UBN2: variants seen among roughly 807,000 people sequenced by gnomAD.
The protein encoded by UBN2 is ubinuclein-2.
Under a neutral mutation model 120.2 loss-of-function variants are expected in UBN2, and 35 were observed. That is an observed-to-expected ratio of 0.29 (90% CI 0.22 to 0.39). UBN2 has a LOEUF of 0.39. UBN2 is among the 10% of genes least tolerant of loss of function. The pLI is 1.00. For synonymous variants in UBN2, 661 were observed against 648.7 expected (o/e 1.02, Z -0.29); for missense variants, 1,693 against 1,663.2 (o/e 1.02, Z -0.31).
At chr7:139,247,137 TGA>T (rs1439384217) in intron 2 of UBN2, among the ~76,000 whole-genome samples, 1 of 151,166 alleles carries the variant, frequency 6.6e-6, no homozygotes, top group Non-Finnish European at 1.5e-5. Flanking sequence ...CCTGATTCGC[TGA>T]GAGAGAGCTT....
chr7:139,298,203 G>GAT lies in UBN2; in HGVS notation c.*368_*369dup, dbSNP rs1798163726. 1 of 215,990 alleles carries GAT rather than the reference G, an allele frequency of 4.6e-6. No homozygotes were observed. Among genetic ancestry groups the GAT allele is most frequent in the East Asian group, 1.1e-4 (1 of 9,168 alleles). 13.4% of individuals were successfully genotyped at this position (215,990 alleles called of 1,614,324 possible). ...TAAACTCCATCCATCCTGGGGGTTG[G>GAT]ATCTGAACACTTACAGACATAATTG... On this transcript the variant is annotated 3_prime_UTR_variant, in exon 18 of 18. Coordinates refer to ENST00000473989, the MANE Select transcript of UBN2 (RefSeq NM_173569.4).
At chr7:139,277,593 T>C (rs2131021880) in intron 12 of UBN2, 1 of 152,152 alleles carries the variant, frequency 6.6e-6, no homozygotes, top group East Asian at 1.9e-4. Flanking sequence ...ATTGAGTTGG[T>C]TGTGGTTTTT....
chr7:139,276,053 C>G (rs1797433607), intron 11 of UBN2, 44 bp from the exon 12 acceptor site: 1 of 1,458,688 alleles, frequency 6.9e-7, no homozygotes, highest in East Asian at 2.3e-5. Context: ...ATGTTACTAT[C>G]TGCTATAAAG....
Position 139,274,094 on chromosome 7 carries a change from G to A in UBN2, c.1973+20G>A. The A allele has an allele frequency of 6.4e-7, 1 of 1,567,170 alleles. No homozygotes were observed. Among genetic ancestry groups the A allele is most frequent in the Non-Finnish European group, 8.6e-7 (1 of 1,164,780 alleles). ...GGCAAGGTAAGAAATGTGACTTACT[G>A]GATTTTATTTTATTTTATTATTATT... On this transcript the variant is annotated intron_variant, in intron 11 of 17. Coordinates refer to ENST00000473989, the MANE Select transcript of UBN2 (RefSeq NM_173569.4).
At chr7:139,319,663 A>G in the UBN2 span, among the ~76,000 whole-genome samples, 31 of 152,242 alleles carry the variant, frequency 2.0e-4, no homozygotes, top group Non-Finnish European at 3.2e-4. Context: ...AGGGCAAACA[A>G]CACGTTCCTG....
At chr7:139,269,566 C>T (rs1371690712) in intron 8 of UBN2, 43 bp downstream of exon 8, 1 of 1,601,100 alleles carries the variant, frequency 6.2e-7, no homozygotes, top group Admixed American at 1.7e-5. Flanking sequence ...GGTTTCATAA[C>T]CTGTAAAGAT....
At chr7:139,265,470 T>A (rs1031560407) in intron 6 of UBN2, among the ~76,000 whole-genome samples, 1 of 151,962 alleles carries the variant, frequency 6.6e-6, no homozygotes, top group Non-Finnish European at 1.5e-5. Context: ...AGAGTAAGAC[T>A]CCGTCTCAAA....
chr7:139,294,198 GTTTA>G (rs1181264804), intron 17 of UBN2, among the ~76,000 whole-genome samples: 1 of 152,176 alleles, frequency 6.6e-6, no homozygotes, highest in Non-Finnish European at 1.5e-5. Flanking sequence ...TTTTGAAGGT[GTTTA>G]TTATGTGGAA....
In UBN2 at chr7:139,284,093, CCT is replaced by C; in HGVS notation, c.3193_3194del (p.Leu1065ValfsTer3). 1 of 1,614,156 alleles carries C rather than the reference CCT, an allele frequency of 6.2e-7. No individual in the cohort carries two copies. Reference sequence around the variant, plus strand: ...CCTAAGCCTTCTGCCTCACCCAAGCCCTCTCTGTCAGCTAAGCCTTCAGTATC... The same window carrying C: ...CCTAAGCCTTCTGCCTCACCCAAGCCCTCTGTCAGCTAAGCCTTCAGTATC... On this transcript the variant is annotated frameshift_variant, in exon 15 of 18. Coordinates refer to ENST00000473989, the MANE Select transcript of UBN2 (RefSeq NM_173569.4). LOFTEE classifies it high-confidence loss of function.
At chr7:139,271,061 C>T (rs185966847) in intron 8 of UBN2, among the ~76,000 whole-genome samples, 1 of 152,048 alleles carries the variant, frequency 6.6e-6, no homozygotes, top group East Asian at 1.9e-4. Context: ...GGATTACAGG[C>T]GTGAGCCACT....
chr7:139,285,186 A>G (rs1361852413), intron 15 of UBN2, among the ~76,000 whole-genome samples: 1 of 152,130 alleles, frequency 6.6e-6, no homozygotes, highest in East Asian at 1.9e-4. Flanking sequence ...CCTCTCAATT[A>G]GCTGAGTGCC....
intron 8 of UBN2, among the ~76,000 whole-genome samples, chr7:139,271,616 A>G (rs1797277726): frequency 1.3e-5 from 2 of 152,180 alleles, no homozygotes; most frequent in African/African-American, 4.8e-5. Context: ...TCAGTAAAGA[A>G]AAGTCTTATA....
chr7:139,293,441 T>C lies in UBN2; in HGVS notation c.3879T>C (p.Ala1293=). The C allele has an allele frequency of 1.2e-6, 2 of 1,614,170 alleles. No individual in the cohort carries two copies. The highest frequency in any genetic ancestry group is 1.7e-6 in the Non-Finnish European group (2 of 1,180,018). The change falls in exon 16 of 18, where the codon GCT becomes GCC. Residue 1293 remains alanine, a synonymous_variant. Transcript: ENST00000473989. ...CCACCTCGGGATCTACCTCAGCCGC[T>C]TTCCACCATAGCCTAACTCAGAGTA... ...VTTTSGSTSA[A]FHHSLTQNLL...
chr7:139,309,154 C>T (rs1182678960), downstream of UBN2, among the ~76,000 whole-genome samples: 3 of 152,134 alleles, frequency 2.0e-5, no homozygotes, highest in African/African-American at 7.2e-5. Flanking sequence ...TATAAGTGTA[C>T]GTGTGATCTG....
At chr7:139,321,872 C>T in the UBN2 span, among the ~76,000 whole-genome samples, 2 of 152,310 alleles carry the variant, frequency 1.3e-5, no homozygotes, top group East Asian at 1.9e-4. Context: ...AGAAATGACA[C>T]TGACCGTGAC....
At chr7:139,256,226 A>C (rs1437636764) in intron 3 of UBN2, among the ~76,000 whole-genome samples, 1 of 152,238 alleles carries the variant, frequency 6.6e-6, no homozygotes, top group Non-Finnish European at 1.5e-5. Context: ...GTATACCTGG[A>C]GATGAACATG....
rs564911432 is a variant in UBN2 at position 139,294,272 on chromosome 7, G to A, written c.3994+291G>A. ...AAAGTTATGTACAGTAATGATAGTA[G>A]TTTACATTTATTGAAAGCTTACTAA... On this transcript the variant is annotated intron_variant, in intron 17 of 17. Coordinates refer to ENST00000473989, the MANE Select transcript of UBN2 (RefSeq NM_173569.4). 1.6e-4 allele frequency among the ~76,000 whole-genome samples: 25 copies of A among 152,304 alleles called. 4 individuals carry two copies. Among genetic ancestry groups the A allele is most frequent in the African/African-American group, 5.8e-4 (24 of 41,580 alleles).
intron 13 of UBN2, among the ~76,000 whole-genome samples, chr7:139,281,015 A>G (rs903245775): frequency 6.6e-6 from 1 of 152,210 alleles, no homozygotes; most frequent in Non-Finnish European, 1.5e-5. Flanking sequence ...CTTTCATTAA[A>G]TCTGTTGAAT....
downstream of UBN2, among the ~76,000 whole-genome samples, chr7:139,308,436 C>CA (rs146849557): frequency 1.8e-3 from 281 of 152,264 alleles, 4 homozygotes; most frequent in African/African-American, 6.2e-3. Flanking sequence ...AAATCTGTCA[C>CA]AAAGCTACAT....
Sources: allele counts gnomAD v4.1 joint callset (sites outside exome capture counted in the v4.1 genomes callset), GRCh38; gene constraint gnomAD v4.1.1; transcripts MANE v1.5; gene names NCBI Gene and HGNC (gene_info 2026-07-23, HGNC 2026-07-21).